The following FREM3 variants were observed in gnomAD, a reference collection of about 807,000 sequenced individuals.
FREM3 encodes the protein FRAS1-related extracellular matrix protein 3.
Under a neutral mutation model 129.1 loss-of-function variants are expected in FREM3, and 105 were observed. The observed-to-expected ratio is 0.81, with a 90% CI of 0.69 to 0.96. The LOEUF (loss-of-function observed/expected upper bound fraction) is 0.96. FREM3 is among the 40% of genes least tolerant of loss of function. The probability of loss-of-function intolerance (pLI) is 0.00; values close to 1 mark genes in which losing one functional copy is unlikely to be tolerated. For missense variants in FREM3, 2,593 were observed against 2,666.3 expected (o/e 0.97, Z 0.61); for synonymous variants, 1,014 against 1,044.9 (o/e 0.97, Z 0.57).
At chr4:143,606,305 A>G (rs1343397710) in intron 6 of FREM3, among the ~76,000 whole-genome samples, 2 of 152,048 alleles carry the variant, frequency 1.3e-5, no homozygotes, top group Non-Finnish European at 2.9e-5. Context: ...ATATGAAAAC[A>G]TGTTCTTCAA....
At chr4:143,591,889 G>C (rs902685814) in intron 6 of FREM3, among the ~76,000 whole-genome samples, 11 of 152,294 alleles carry the variant, frequency 7.2e-5, no homozygotes, top group Admixed American at 5.9e-4. Flanking sequence ...CTCTTTGTAG[G>C]TCACTAAGGA....
chr4:143,694,365 A>G (rs1269530591), intron 1 of FREM3, among the ~76,000 whole-genome samples: 1 of 152,216 alleles, frequency 6.6e-6, no homozygotes, highest in African/African-American at 2.4e-5. Flanking sequence ...ATGAATTTAA[A>G]CAAGAATAAT....
rs1292825469 is a variant in FREM3, at chr4:143,696,420, A to T, written c.4256T>A (p.Ile1419Asn). 1 of 1,537,602 alleles carries T rather than the reference A, an allele frequency of 6.5e-7. No individual in the cohort carries two copies. Among genetic ancestry groups the T allele is most frequent in the Non-Finnish European group, 8.7e-7 (1 of 1,146,964 alleles). The change falls in exon 1 of 8, where the codon ATT becomes AAT. Residue 1419 changes from isoleucine (I) to asparagine (N), a missense_variant. Ile to Asn is a moderately radical substitution (Grantham distance 149, BLOSUM62 -3). Coordinates refer to ENST00000329798, the MANE Select transcript of FREM3 (RefSeq NM_001168235.2). ...TLTDHYFYVTIGNLDSVFPEV... is the reference protein window; with the variant it reads ...TLTDHYFYVTNGNLDSVFPEV... ...AGGGAAGACGCTGTCTAAGTTGCCA[A>T]TGGTGACATAGAAGTAGTGGTCTGT...
intron 2 of FREM3, among the ~76,000 whole-genome samples, chr4:143,669,345 A>G (rs1486771450): frequency 6.6e-6 from 1 of 152,172 alleles, no homozygotes; most frequent in Non-Finnish European, 1.5e-5. Flanking sequence ...TAGCTCTGTC[A>G]CTCAGGCTGG....
At chr4:143,647,645 G>A (rs1739441973) in intron 2 of FREM3, among the ~76,000 whole-genome samples, 1 of 152,190 alleles carries the variant, frequency 6.6e-6, no homozygotes, top group East Asian at 1.9e-4. Flanking sequence ...CAAGCCCTAA[G>A]CCTTGGTGGC....
At chr4:143,604,973 T>C (rs1325621105) in intron 6 of FREM3, among the ~76,000 whole-genome samples, 1 of 152,150 alleles carries the variant, frequency 6.6e-6, no homozygotes, top group Non-Finnish European at 1.5e-5. Flanking sequence ...CTTAATTCAT[T>C]CAAGGATAAT....
intron 2 of FREM3, among the ~76,000 whole-genome samples, chr4:143,672,027 C>G (rs891155392): frequency 6.6e-6 from 1 of 152,156 alleles, no homozygotes; most frequent in Non-Finnish European, 1.5e-5. Flanking sequence ...GTCAAGGTTC[C>G]CCTCTCTCTC....
At chr4:143,611,236 A>G in intron 6 of FREM3, 43 bp downstream of exon 6, 1 of 1,510,716 alleles carries the variant, frequency 6.6e-7, no homozygotes, top group South Asian at 1.2e-5. Flanking sequence ...AAGTGTGAGA[A>G]GGCAGCTATT....
intron 6 of FREM3, among the ~76,000 whole-genome samples, chr4:143,608,201 G>T (rs563798163): frequency 6.6e-6 from 1 of 152,318 alleles, no homozygotes; most frequent in African/African-American, 2.4e-5. Flanking sequence ...TGGTTAGAAT[G>T]TGGATATCTT....
chr4:143,589,651 T>G (rs377209986), intron 6 of FREM3, among the ~76,000 whole-genome samples: 4 of 152,166 alleles, frequency 2.6e-5, no homozygotes, highest in Admixed American at 6.5e-5. Context: ...TAGCCTTGTA[T>G]TATAGTTTGA....
intron 7 of FREM3, among the ~76,000 whole-genome samples, chr4:143,582,358 C>T (rs1034933063): frequency 1.3e-5 from 2 of 152,044 alleles, no homozygotes; most frequent in African/African-American, 2.4e-5. Flanking sequence ...CCAGCCGTTA[C>T]ACTTACACGC....
Position 143,695,584 on chromosome 4 carries a change from T to G in FREM3, c.5092A>C (p.Arg1698=), listed in dbSNP as rs1740549892. ...CTGGTCACTTTATACTTCAGAAGCC[T>G]GTGGGGACTGTCCTGATCTTCTGCC... ...LKAEDQDSPH[R]LLKYKVTRGP... is the part of the protein sequence containing the mutation. Residue 1698 remains arginine (R), a synonymous_variant, in exon 1 of 8, where the codon AGG becomes CGG. Transcript: ENST00000329798. 4.6e-6 allele frequency: 7 copies of G among 1,537,370 alleles called. No individual in the cohort carries two copies. The highest frequency in any genetic ancestry group is 6.1e-6 in the Non-Finnish European group (7 of 1,146,932).
intron 2 of FREM3, among the ~76,000 whole-genome samples, chr4:143,688,017 A>G (rs1339451820): frequency 6.6e-6 from 1 of 152,188 alleles, no homozygotes; most frequent in East Asian, 1.9e-4. Context: ...AGCCAGAGCA[A>G]TCAGAAAAGA....
chr4:143,632,122 C>T (rs1214447721), intron 2 of FREM3, among the ~76,000 whole-genome samples: 1 of 152,074 alleles, frequency 6.6e-6, no homozygotes, highest in Non-Finnish European at 1.5e-5. Flanking sequence ...TTAAGCCATC[C>T]ATTCAGTTAT....
intron 7 of FREM3, among the ~76,000 whole-genome samples, chr4:143,583,452 G>C (rs1363389012): frequency 6.6e-6 from 1 of 152,068 alleles, no homozygotes; most frequent in African/African-American, 2.4e-5. Context: ...TTCAGGAAAT[G>C]CAGAGAACCC....
chr4:143,577,319 T>C lies in FREM3; in HGVS notation c.*292A>G, dbSNP rs192342359. 2.4e-3 allele frequency: 1,095 copies of C among 461,404 alleles called. 14 individuals carry two copies. The highest frequency in any genetic ancestry group is 0.02 in the African/African-American group (1,013 of 50,484). The allele number at this position is 461,404 out of a possible 1,614,324, so 28.6% of individuals were successfully genotyped here. A position where few individuals can be genotyped will look rare whatever the true frequency, so the allele number is the denominator to read the frequency against. On this transcript the variant is annotated 3_prime_UTR_variant, in exon 8 of 8. Coordinates refer to ENST00000329798, the MANE Select transcript of FREM3 (RefSeq NM_001168235.2). The stretch of plus-strand genomic sequence containing the variant: ...GAGGTTAATTCTTTGATCTTAACTT[T>C]TGATTTAATTGATCACAGTGGATTT...
chr4:143,653,074 C>A (rs1739539896), intron 2 of FREM3, among the ~76,000 whole-genome samples: 1 of 152,182 alleles, frequency 6.6e-6, no homozygotes, highest in Admixed American at 6.5e-5. Flanking sequence ...AGGAGCAACA[C>A]AAACACAAAT....
Position 143,696,289 on chromosome 4 carries a change from T to G in FREM3, c.4387A>C (p.Ser1463Arg), listed in dbSNP as rs1250969838. The change falls in exon 1 of 8, where the codon AGC becomes CGC. Residue 1463 changes from serine to arginine, a missense_variant. Ser to Arg is a moderately radical substitution (Grantham distance 110). This residue lies in a region of FREM3 where 2,276 missense variants were observed against 2,267.2 expected (regional missense o/e 1.00). Coordinates refer to ENST00000329798, the MANE Select transcript of FREM3 (RefSeq NM_001168235.2). ...CCCAGGCTTGGAGCCCGTGTAATGC[T>G]AAAGTGATGTTCATCAGAGCTGTTG... ...DINSSDEHHF[S>R]ITRAPSLGHL... 1.3e-6 allele frequency: 2 copies of G among 1,537,510 alleles called. No individual in the cohort carries two copies. The highest frequency in any genetic ancestry group is 2.7e-5 in the African/African-American group (2 of 73,044).
intron 2 of FREM3, among the ~76,000 whole-genome samples, chr4:143,629,085 T>C (rs1739096028): frequency 6.6e-6 from 1 of 151,982 alleles, no homozygotes; most frequent in Non-Finnish European, 1.5e-5. Context: ...GCTCTAAAGA[T>C]AGGAATCTTC....
Sources: allele counts gnomAD v4.1 joint callset (sites outside exome capture counted in the v4.1 genomes callset), GRCh38; gene constraint gnomAD v4.1.1; regional missense constraint gnomAD v4.1.1; transcripts MANE v1.5; gene names NCBI Gene and HGNC (gene_info 2026-07-23, HGNC 2026-07-21).